Variants in CPXM2 observed in about 807,000 individuals in gnomAD.
The protein encoded by CPXM2 is inactive carboxypeptidase-like protein X2.
CPXM2 carries 66 observed loss-of-function variants against 86.1 expected under a neutral mutation model. The observed-to-expected ratio is 0.77, with a 90% CI of 0.63 to 0.94. The LOEUF (loss-of-function observed/expected upper bound fraction) is 0.94, where lower values mean the gene tolerates loss of function less well. Ranked by LOEUF, CPXM2 falls within the 40% of genes least tolerant of loss-of-function variation. The probability of loss-of-function intolerance (pLI) is 0.00; values close to 1 mark genes in which losing one functional copy is unlikely to be tolerated. For synonymous variants in CPXM2, 388 were observed against 400.2 expected, an observed-to-expected ratio of 0.97 and a Z score of 0.36; for missense variants, 948 against 1,026.3, an observed-to-expected ratio of 0.92 and a Z score of 1.04.
At chr10:123,930,451 G>A (rs545209853) in intron 2 of CPXM2, among the ~76,000 whole-genome samples, 7 of 152,168 alleles carry the variant, frequency 4.6e-5, no homozygotes, top group Non-Finnish European at 1.0e-4. Context: ...TTCTCCCTGT[G>A]CCAGGGACCA....
intron 11 of CPXM2, 43 bp downstream of exon 11, chr10:123,761,829 C>T (rs372251330): frequency 1.3e-6 from 2 of 1,580,202 alleles, no homozygotes; most frequent in African/African-American, 1.3e-5. Context: ...CCTGCAGCGT[C>T]CTCCTGCGCC....
At chr10:123,794,743 G>A (rs1847288616) in intron 6 of CPXM2, among the ~76,000 whole-genome samples, 1 of 149,986 alleles carries the variant, frequency 6.7e-6, no homozygotes, top group Non-Finnish European at 1.5e-5. Context: ...CCGTGTGTGT[G>A]TGTGTGTGTG....
intron 2 of CPXM2, among the ~76,000 whole-genome samples, chr10:123,866,616 C>T (rs1238035902): frequency 2.0e-5 from 3 of 152,164 alleles, no homozygotes; most frequent in Non-Finnish European, 4.4e-5. Flanking sequence ...TGGAGACTGG[C>T]CTGTTGACGT....
chr10:123,908,023 T>C (rs1278465056), intron 2 of CPXM2, among the ~76,000 whole-genome samples: 1 of 151,630 alleles, frequency 6.6e-6, no homozygotes, highest in Non-Finnish European at 1.5e-5. Flanking sequence ...ATAGGAGACT[T>C]TAAACAGGGG....
chr10:123,931,124 CCAT>C (rs1397784467), intron 2 of CPXM2, among the ~76,000 whole-genome samples: 5 of 152,196 alleles, frequency 3.3e-5, no homozygotes, highest in African/African-American at 1.2e-4. Context: ...CTGACCACTA[CCAT>C]CATCTGGCAA....
intron 1 of CPXM2, among the ~76,000 whole-genome samples, chr10:123,880,690 A>G (rs150883009): frequency 0.047 from 7,070 of 151,926 alleles, 251 homozygotes; most frequent in East Asian, 0.17. Flanking sequence ...TTAGCCAGGC[A>G]TGGTGGCGGG....
At chr10:123,939,883 G>A (rs1427961207) in intron 1 of CPXM2, among the ~76,000 whole-genome samples, 1 of 152,174 alleles carries the variant, frequency 6.6e-6, no homozygotes, top group Non-Finnish European at 1.5e-5. Flanking sequence ...GGCTCTCCAG[G>A]AGAAGGCCCA....
chr10:123,750,494 A>T (rs1430784744), intron 13 of CPXM2: 2 of 985,198 alleles, frequency 2.0e-6, no homozygotes, highest in Non-Finnish European at 2.4e-6. Context: ...CCCCTTAGGG[A>T]GGGACCCTTC....
At chr10:123,761,673 T>C (rs547762837) in intron 11 of CPXM2, among the ~76,000 whole-genome samples, 199 bp downstream of exon 11, 86 of 152,238 alleles carry the variant, frequency 5.6e-4, no homozygotes, top group African/African-American at 1.9e-3. Flanking sequence ...CTTTGAGCAC[T>C]GGAAAGTGAG....
At position 123,891,491 on chromosome 10, in the gene CPXM2, A is replaced by G. The variant is rs1279479818; in HGVS notation, c.169T>C (p.Phe57Leu). The change falls in exon 1 of 14, where the codon TTC becomes CTC. Residue 57 changes from phenylalanine to leucine, a missense_variant. Coordinates refer to ENST00000241305, the MANE Select transcript of CPXM2 (RefSeq NM_198148.3). The surrounding 1 kb of genome is among the most constrained non-coding windows in gnomAD (Gnocchi z 5.6). ...GGCCCCGCAGGCAGCGGCGGAGAGA[A>G]GGTCTCGAGCTCGGGCTCCGGGCGC... The part of the protein sequence containing the change: ...YARPEPELET[F>L]SPPLPAGPGE... The G allele has an allele frequency of 1.3e-6, 2 of 1,547,920 alleles. No individual in the cohort carries two copies. The highest frequency in any genetic ancestry group is 1.7e-6 in the Non-Finnish European group (2 of 1,145,436).
chr10:123,851,486 G>A (rs367627767), intron 3 of CPXM2, among the ~76,000 whole-genome samples: 265 of 152,220 alleles, frequency 1.7e-3, no homozygotes, highest in African/African-American at 6.0e-3. Context: ...AATAGGGCTG[G>A]TGACCAGGCA....
chr10:123,923,418 A>C (rs1945593157), intron 2 of CPXM2, among the ~76,000 whole-genome samples: 1 of 35,676 alleles, frequency 2.8e-5, no homozygotes, highest in African/African-American at 3.7e-4. Flanking sequence ...GTCTCTACTA[A>C]AAATACAAAA....
chr10:123,938,986 C>T (rs566419929), intron 2 of CPXM2, among the ~76,000 whole-genome samples: 8 of 152,160 alleles, frequency 5.3e-5, no homozygotes, highest in South Asian at 2.1e-4. Context: ...AAACTAGAGC[C>T]GATACAAATG....
chr10:123,763,631 G>C (rs1485058900), intron 10 of CPXM2, among the ~76,000 whole-genome samples: 1 of 150,472 alleles, frequency 6.6e-6, no homozygotes, highest in Non-Finnish European at 1.5e-5. Context: ...ACTTAGTTTT[G>C]TGGTTCCCAG....
intron 6 of CPXM2, among the ~76,000 whole-genome samples, chr10:123,791,503 C>T (rs78160261): frequency 0.04 from 6,022 of 152,244 alleles, 163 homozygotes; most frequent in Non-Finnish European, 0.065. Context: ...CTGCTTCTTC[C>T]GATGTCCATT....
intron 13 of CPXM2, chr10:123,751,381 A>C (rs1846072585): frequency 3.1e-6 from 1 of 322,806 alleles, no homozygotes; most frequent in Non-Finnish European, 4.5e-6. Flanking sequence ...ATTCCTTTAC[A>C]TTCCCTTGTT....
intron 3 of CPXM2, among the ~76,000 whole-genome samples, chr10:123,843,434 T>TTTTC (rs1429646793): frequency 7.2e-5 from 10 of 138,524 alleles, no homozygotes; most frequent in African/African-American, 2.5e-4. Flanking sequence ...ACAGAGCTAT[T>TTTTC]TTTTTTTTTT....
chr10:123,848,726 G>A (rs757617506), intron 3 of CPXM2, among the ~76,000 whole-genome samples: 2 of 152,194 alleles, frequency 1.3e-5, no homozygotes, highest in African/African-American at 4.8e-5. Context: ...TAAAGATTGT[G>A]TGTATCCTCC....
At chr10:123,813,605 C>A (rs993895967) in intron 4 of CPXM2, among the ~76,000 whole-genome samples, 5 of 152,166 alleles carry the variant, frequency 3.3e-5, no homozygotes, top group Non-Finnish European at 7.3e-5. Context: ...CATATAATCT[C>A]CCTTTCTCAA....
Sources: allele counts gnomAD v4.1 joint callset (sites outside exome capture counted in the v4.1 genomes callset), GRCh38; gene constraint gnomAD v4.1.1; non-coding constraint Gnocchi (gnomAD v3.1); transcripts MANE v1.5; gene names NCBI Gene and HGNC (gene_info 2026-07-23, HGNC 2026-07-21).